The following DNAJC6 variants were observed in gnomAD, a reference collection of about 807,000 sequenced individuals.
DNAJC6 encodes DnaJ heat shock protein family (Hsp40) member C6.
In DNAJC6, 34 loss-of-function variants were observed where a neutral mutation model predicts 110.0. The ratio of observed to expected loss-of-function variants is 0.31; its 90% CI spans 0.24 to 0.41. The LOEUF (loss-of-function observed/expected upper bound fraction) is 0.41. DNAJC6 is among the 10% of genes least tolerant of loss of function. The pLI is 1.00. For missense variants in DNAJC6, 1,031 were observed against 1,207.8 expected, an observed-to-expected ratio of 0.85 and a Z score of 2.17; for synonymous variants, 406 against 437.2, an observed-to-expected ratio of 0.93 and a Z score of 0.89.
intron 1 of DNAJC6, among the ~76,000 whole-genome samples, chr1:65,320,505 A>G (rs780051530): frequency 2.6e-5 from 4 of 152,198 alleles, no homozygotes; most frequent in African/African-American, 4.8e-5. Context: ...AAGTCATTCA[A>G]ATGAGAAAAA....
chr1:65,396,578 G>A (rs1244654237), intron 13 of DNAJC6, among the ~76,000 whole-genome samples: 3 of 152,104 alleles, frequency 2.0e-5, no homozygotes, highest in Non-Finnish European at 2.9e-5. Context: ...TTGCTCAAAT[G>A]TCACCTTCTC....
chr1:65,382,916 A>G (rs1645837116), intron 5 of DNAJC6, among the ~76,000 whole-genome samples: 1 of 152,202 alleles, frequency 6.6e-6, no homozygotes, highest in Non-Finnish European at 1.5e-5. Context: ...AATAGAAGGG[A>G]TTGAGTTTGT....
At chr1:65,315,831 T>C (rs1220395162) in intron 1 of DNAJC6, among the ~76,000 whole-genome samples, 1 of 152,174 alleles carries the variant, frequency 6.6e-6, no homozygotes, top group East Asian at 1.9e-4. Context: ...GCCCATACGA[T>C]TGCAAATGAA....
chr1:65,285,614 T>C (rs1411274735), intron 1 of DNAJC6, among the ~76,000 whole-genome samples: 1 of 152,122 alleles, frequency 6.6e-6, no homozygotes. Flanking sequence ...TAGTCTCCCA[T>C]AGCTTTCTCT....
intron 6 of DNAJC6, among the ~76,000 whole-genome samples, chr1:65,385,311 A>AT (rs908295908): frequency 3.3e-5 from 5 of 152,308 alleles, no homozygotes; most frequent in East Asian, 1.9e-4. Flanking sequence ...CAATTTCTTC[A>AT]TTTTTTTAAA....
chr1:65,375,779 A>G (rs369947909), intron 4 of DNAJC6, among the ~76,000 whole-genome samples: 2 of 152,248 alleles, frequency 1.3e-5, no homozygotes, highest in African/African-American at 4.8e-5. Context: ...GTGTTGTTGC[A>G]TTTGTTTTGC....
chr1:65,285,545 G>A (rs1021975569), intron 1 of DNAJC6, among the ~76,000 whole-genome samples: 9 of 152,142 alleles, frequency 5.9e-5, no homozygotes, highest in African/African-American at 2.2e-4. Flanking sequence ...GGTCATATAA[G>A]GTGATTGGGA....
chr1:65,304,889 TA>T (rs1645023103), upstream of DNAJC6, among the ~76,000 whole-genome samples: 2 of 152,226 alleles, frequency 1.3e-5, no homozygotes, highest in Admixed American at 6.5e-5. Flanking sequence ...TAAAGGCATC[TA>T]AACTAAAATG....
intron 5 of DNAJC6, among the ~76,000 whole-genome samples, chr1:65,382,171 C>T (rs1461062924): frequency 6.6e-6 from 1 of 152,210 alleles, no homozygotes; most frequent in Non-Finnish European, 1.5e-5. Flanking sequence ...AAAAAGGAAT[C>T]TCCATTGGTT....
At position 65,381,297 on chromosome 1, in the gene DNAJC6, C is replaced by T. The variant is rs142142427; in HGVS notation, c.666+1773C>T. On this transcript the variant is annotated intron_variant, in intron 5 of 18. Coordinates refer to ENST00000371069, the MANE Select transcript of DNAJC6 (RefSeq NM_001256864.2). ...GCGTGGTGGCTCATGCCTATAATTCCAGCACTTTGGGAGACTGAGGCAGGT... is the reference window on the plus strand; with the variant it reads ...GCGTGGTGGCTCATGCCTATAATTCTAGCACTTTGGGAGACTGAGGCAGGT... 2.5e-3 allele frequency among the ~76,000 whole-genome samples: 381 copies of T among 151,860 alleles called. 3 individuals carry two copies. Among genetic ancestry groups the T allele is most frequent in the African/African-American group, 8.5e-3 (350 of 41,404 alleles).
At chr1:65,406,843 C>T (rs1378146901) in intron 16 of DNAJC6, among the ~76,000 whole-genome samples, 2 of 152,180 alleles carry the variant, frequency 1.3e-5, no homozygotes. Flanking sequence ...GTCAGACCCT[C>T]CAATGAAGTA....
At chr1:65,337,382 A>G (rs575213704) in intron 1 of DNAJC6, among the ~76,000 whole-genome samples, 13 of 151,850 alleles carry the variant, frequency 8.6e-5, no homozygotes, top group South Asian at 6.3e-4. Context: ...TAAAGTTCAT[A>G]TAGCAAACAA....
chr1:65,399,687 A>G (rs1363788098), intron 14 of DNAJC6, among the ~76,000 whole-genome samples: 1 of 152,066 alleles, frequency 6.6e-6, no homozygotes, highest in African/African-American at 2.4e-5. Flanking sequence ...CTCTACACTC[A>G]CTAAATAACT....
In DNAJC6 at chr1:65,389,306, A is replaced by G; in HGVS notation, c.1244A>G (p.Gln415Arg). 6.2e-7 allele frequency: 1 copy of G among 1,614,154 alleles called. No individual in the cohort carries two copies. The highest frequency in any genetic ancestry group is 8.5e-7 in the Non-Finnish European group (1 of 1,180,006). The change falls in exon 10 of 19, where the codon CAG becomes CGG. Residue 415 changes from glutamine (Q) to arginine (R), a missense_variant. Transcript: ENST00000371069. ...CCAGAAAAATATCCTCAGCTATTTC[A>G]GGTGACACTGGATGTAGAACTACAG... ...DVPEKYPQLF[Q>R]VTLDVELQPH...
intron 18 of DNAJC6, 88 bp downstream of exon 18, chr1:65,411,514 C>T: frequency 1.6e-6 from 2 of 1,251,740 alleles, no homozygotes; most frequent in Non-Finnish European, 2.2e-6. Context: ...TGTGCTGGTT[C>T]ATATGGCCTA....
Position 65,413,056 on chromosome 1 carries a change from C to T in DNAJC6, c.*31C>T, listed in dbSNP as rs753553306. 8.8e-6 allele frequency: 14 copies of T among 1,587,188 alleles called. No homozygotes were observed. The Admixed American group carries it at 1.5e-4, about 17-fold the overall frequency. On this transcript the variant is annotated 3_prime_UTR_variant, in exon 19 of 19. Coordinates refer to ENST00000371069, the MANE Select transcript of DNAJC6 (RefSeq NM_001256864.2). ...GAGCTTTTCCATCTCTGCTGCAGAC[C>T]TGTGCTAATGCTTAGTGTGTGTCAC...
chr1:65,360,649 G>T (rs1256494771), intron 1 of DNAJC6, among the ~76,000 whole-genome samples: 1 of 152,166 alleles, frequency 6.6e-6, no homozygotes, highest in Non-Finnish European at 1.5e-5. Flanking sequence ...ACATGGTGGG[G>T]TGTGTTTACA....
Position 65,414,630 on chromosome 1 carries a change from T to C in DNAJC6, c.*1605T>C, listed in dbSNP as rs1232342205. ...TGTTTGTTAAAGTTCATTATTTATT[T>C]TACCTTTTACTGACAATGTGAAACT... On this transcript the variant is annotated 3_prime_UTR_variant, in exon 19 of 19. Transcript: ENST00000371069. 1 of 152,654 alleles carries C rather than the reference T, an allele frequency of 6.6e-6. No individual in the cohort carries two copies. The highest frequency in any genetic ancestry group is 1.9e-4 in the East Asian group (1 of 5,200). 9.5% of individuals were successfully genotyped at this position (152,654 alleles called of 1,614,324 possible). A position where few individuals can be genotyped will look rare whatever the true frequency, so the allele number is the denominator to read the frequency against.
intron 5 of DNAJC6, among the ~76,000 whole-genome samples, chr1:65,383,374 T>C (rs550616852): frequency 2.0e-5 from 3 of 152,282 alleles, no homozygotes; most frequent in African/African-American, 7.2e-5. Context: ...CCCAGGCTGG[T>C]CTCGACCTCC....
Sources: gnomAD v4.1 joint callset for allele counts (sites outside exome capture counted in the v4.1 genomes callset) on GRCh38, gnomAD v4.1.1 for gene constraint, MANE v1.5 for transcripts, NCBI Gene and HGNC (gene_info 2026-07-23, HGNC 2026-07-21) for gene names.